GULP1: variants seen among roughly 807,000 people sequenced by gnomAD.
GULP1 encodes the protein GULP PTB domain containing engulfment adaptor 1.
In GULP1, 19 loss-of-function variants were observed where a neutral mutation model predicts 40.9. That is an observed-to-expected ratio of 0.46 (90% CI 0.32 to 0.68). The LOEUF (loss-of-function observed/expected upper bound fraction) is 0.68, where lower values mean the gene tolerates loss of function less well. Ranked by LOEUF, GULP1 falls within the 30% of genes least tolerant of loss-of-function variation. The probability of loss-of-function intolerance (pLI) is 0.03; values close to 1 mark genes in which losing one functional copy is unlikely to be tolerated. For missense variants in GULP1, 312 were observed against 362.2 expected, an observed-to-expected ratio of 0.86 and a Z score of 1.12; for synonymous variants, 119 against 117.6, an observed-to-expected ratio of 1.01 and a Z score of -0.08.
chr2:188,574,316 G>T (rs1304170339), intron 9 of GULP1, among the ~76,000 whole-genome samples: 2 of 152,110 alleles, frequency 1.3e-5, no homozygotes, highest in Non-Finnish European at 2.9e-5. Flanking sequence ...GCAAGCAACA[G>T]AAACATTCTT....
At position 188,456,407 on chromosome 2, in the gene GULP1, T is replaced by C. The variant is rs760294862; in HGVS notation, c.-44-21252T>C. Among the ~76,000 whole-genome samples, 43 of 152,214 alleles carry C rather than the reference T, an allele frequency of 2.8e-4. No individual in the cohort carries two copies. The Middle Eastern group carries it at 0.014, about 48-fold the overall frequency. On this transcript the variant is annotated intron_variant, in intron 2 of 11. Coordinates refer to ENST00000409830, the MANE Select transcript of GULP1 (RefSeq NM_016315.4). ...ACTTGGTGCCTTCCATCCCAGCCGC[T>C]CCGCCATCGCTGAAATGGACGAATG...
chr2:188,376,940 G>T (rs2048362284), intron 1 of GULP1, among the ~76,000 whole-genome samples: 1 of 152,166 alleles, frequency 6.6e-6, no homozygotes, highest in African/African-American at 2.4e-5. Flanking sequence ...TTTGGAAGTT[G>T]AGGCTGACAG....
At chr2:188,510,182 C>T (rs1233840659) in intron 4 of GULP1, among the ~76,000 whole-genome samples, 2 of 151,988 alleles carry the variant, frequency 1.3e-5, no homozygotes, top group African/African-American at 4.8e-5. Context: ...ATTTAGTGTT[C>T]AGGCACATAA....
At chr2:188,346,969 C>CA (rs111270430) in intron 1 of GULP1, among the ~76,000 whole-genome samples, 4,077 of 122,394 alleles carry the variant, frequency 0.033, 111 homozygotes, top group East Asian at 0.17. Context: ...GACTCCGTCT[C>CA]AAAAAAAAAA....
At chr2:188,407,360 C>G (rs1296397454) in intron 2 of GULP1, among the ~76,000 whole-genome samples, 2 of 152,092 alleles carry the variant, frequency 1.3e-5, no homozygotes, top group African/African-American at 4.8e-5. Flanking sequence ...TCAGAATATT[C>G]TAATCCTGTA....
At chr2:188,500,461 A>G (rs1219625375) in intron 4 of GULP1, among the ~76,000 whole-genome samples, 1 of 151,934 alleles carries the variant, frequency 6.6e-6, no homozygotes, top group Non-Finnish European at 1.5e-5. Context: ...GGCAGTGTTA[A>G]TAAGCATCAA....
intron 6 of GULP1, among the ~76,000 whole-genome samples, chr2:188,537,512 C>G (rs1358234952): frequency 1.3e-5 from 2 of 151,994 alleles, no homozygotes; most frequent in Non-Finnish European, 2.9e-5. Context: ...GTTGAACAAA[C>G]CTTGCATCCC....
At chr2:188,385,186 C>T (rs1352720372) in intron 2 of GULP1, among the ~76,000 whole-genome samples, 1 of 152,162 alleles carries the variant, frequency 6.6e-6, no homozygotes, top group African/African-American at 2.4e-5. Flanking sequence ...GCCTGGACAT[C>T]CAGGCATTTC....
At chr2:188,553,855 A>T (rs150635767) in intron 7 of GULP1, among the ~76,000 whole-genome samples, 1 of 151,878 alleles carries the variant, frequency 6.6e-6, no homozygotes, top group Non-Finnish European at 1.5e-5. Flanking sequence ...CAGGTTTTCT[A>T]TTTCTTCCTG....
intron 2 of GULP1, among the ~76,000 whole-genome samples, chr2:188,407,128 GCCAA>G (rs2053229948): frequency 6.6e-6 from 1 of 152,036 alleles, no homozygotes; most frequent in Non-Finnish European, 1.5e-5. Flanking sequence ...GAAAAAAACT[GCCAA>G]CCAAGAATAT....
Position 188,541,177 on chromosome 2 carries a change from A to T in GULP1, c.262-4A>T. 1.2e-6 allele frequency: 2 copies of T among 1,611,814 alleles called. No individual in the cohort carries two copies. The highest frequency in any genetic ancestry group is 1.7e-6 in the Non-Finnish European group (2 of 1,178,130). On this transcript the variant is annotated splice_polypyrimidine_tract_variant and splice_region_variant and intron_variant, in intron 6 of 11. Coordinates refer to ENST00000409830, the MANE Select transcript of GULP1 (RefSeq NM_016315.4). ...ACTATGTTTATTTCCATCTGTGTTC[A>T]CAGGAAGTTCAACACAATTGCCAGC...
At chr2:188,379,301 A>C (rs1341368037) in intron 1 of GULP1, among the ~76,000 whole-genome samples, 1 of 152,198 alleles carries the variant, frequency 6.6e-6, no homozygotes, top group Non-Finnish European at 1.5e-5. Context: ...CCATACTGAA[A>C]GCTGAGGGTA....
At chr2:188,473,153 CTT>C (rs1359307376) in intron 2 of GULP1, among the ~76,000 whole-genome samples, 1 of 146,112 alleles carries the variant, frequency 6.8e-6, no homozygotes, top group Non-Finnish European at 1.5e-5. Context: ...TGGGGTCTCT[CTT>C]TCTCTCTCTC....
intron 4 of GULP1, among the ~76,000 whole-genome samples, chr2:188,506,593 T>G (rs186280270): frequency 1.8e-4 from 28 of 152,106 alleles, no homozygotes; most frequent in African/African-American, 6.5e-4. Context: ...ATCACTACTG[T>G]TATTTTAAAG....
At chr2:188,430,521 C>T (rs915502260) in intron 2 of GULP1, among the ~76,000 whole-genome samples, 1 of 152,132 alleles carries the variant, frequency 6.6e-6, no homozygotes, top group Non-Finnish European at 1.5e-5. Flanking sequence ...TGACTCTTAG[C>T]GACAACATGG....
chr2:188,345,223 A>G (rs1178937644), intron 1 of GULP1, among the ~76,000 whole-genome samples: 1 of 152,148 alleles, frequency 6.6e-6, no homozygotes, highest in East Asian at 1.9e-4. Context: ...CCGTTTCCCT[A>G]AATCATTAGC....
At chr2:188,323,101 A>G (rs953574967) in intron 1 of GULP1, among the ~76,000 whole-genome samples, 7 of 152,022 alleles carry the variant, frequency 4.6e-5, no homozygotes, top group African/African-American at 1.7e-4. Context: ...AAAAACCAAT[A>G]TAAATTTATT....
At position 188,366,499 on chromosome 2, in the gene GULP1, G is replaced by A. The variant is rs183727746; in HGVS notation, c.-171-17264G>A. On this transcript the variant is annotated intron_variant, in intron 1 of 11. Coordinates refer to ENST00000409830, the MANE Select transcript of GULP1 (RefSeq NM_016315.4). ...TGAACTAGCTCTCTTTTCTTCTTCCGTCACCTTTTGATTCATTTGCATGTC... is the reference window on the plus strand; with the variant it reads ...TGAACTAGCTCTCTTTTCTTCTTCCATCACCTTTTGATTCATTTGCATGTC... Among the ~76,000 whole-genome samples, 52 of 151,188 alleles carry A rather than the reference G, an allele frequency of 3.4e-4. 1 individual carries two copies. Among genetic ancestry groups the A allele is most frequent in the African/African-American group, 1.0e-3 (42 of 41,192 alleles).
At chr2:188,526,314 T>TAATA (rs1475388270) in intron 5 of GULP1, among the ~76,000 whole-genome samples, 1 of 152,172 alleles carries the variant, frequency 6.6e-6, no homozygotes, top group Non-Finnish European at 1.5e-5. Context: ...TTTTATTGGA[T>TAATA]TATTATATTC....
Sources: gnomAD v4.1 joint callset for allele counts (sites outside exome capture counted in the v4.1 genomes callset) on GRCh38, gnomAD v4.1.1 for gene constraint, MANE v1.5 for transcripts, NCBI Gene and HGNC (gene_info 2026-07-23, HGNC 2026-07-21) for gene names.